SCARA5: variants seen among roughly 807,000 people sequenced by gnomAD.
SCARA5 encodes the protein scavenger receptor class A, member 5 (putative).
SCARA5 carries 45 observed loss-of-function variants against 46.3 expected under a neutral mutation model. The observed-to-expected ratio is 0.97, with a 90% CI of 0.76 to 1.24. The LOEUF (loss-of-function observed/expected upper bound fraction) is 1.24, where lower values mean the gene tolerates loss of function less well. SCARA5 is among the 50% of genes most tolerant of loss of function. The probability of loss-of-function intolerance (pLI) is 0.00; values close to 1 mark genes in which losing one functional copy is unlikely to be tolerated. For synonymous variants in SCARA5, 333 were observed against 306.5 expected, an observed-to-expected ratio of 1.09 and a Z score of -0.90; for missense variants, 680 against 689.0, an observed-to-expected ratio of 0.99 and a Z score of 0.15.
intron 2 of SCARA5, among the ~76,000 whole-genome samples, chr8:27,972,422 T>A (rs527653533): frequency 7.2e-5 from 11 of 152,318 alleles, no homozygotes; most frequent in Admixed American, 1.3e-4. Context: ...TGAACACCAC[T>A]ATGCTGTATG....
intron 3 of SCARA5, among the ~76,000 whole-genome samples, chr8:27,946,068 A>G (rs1208986750): frequency 6.6e-6 from 1 of 152,254 alleles, no homozygotes; most frequent in Admixed American, 6.5e-5. Context: ...AAGTAACCCA[A>G]AAGAAGGGAA....
intron 8 of SCARA5, among the ~76,000 whole-genome samples, chr8:27,878,886 C>T (rs941875401): frequency 5.9e-5 from 9 of 152,078 alleles, no homozygotes; most frequent in Admixed American, 1.3e-4. Context: ...CCCAGGAGTT[C>T]GAGACCAGTC....
rs373087771 is a variant in SCARA5 at position 27,972,634 on chromosome 8, T to C, written c.113-6092A>G. Among the ~76,000 whole-genome samples the C allele has an allele frequency of 4.6e-5, 7 of 152,302 alleles. No homozygotes were observed. The East Asian group carries it at 1.2e-3, about 25-fold the overall frequency. ...ATCCCAGCACTTCAGGAGGCTGAGATGGGAGGATTGCTTGAGCTCAGGAAT... is the reference window on the plus strand; with the variant it reads ...ATCCCAGCACTTCAGGAGGCTGAGACGGGAGGATTGCTTGAGCTCAGGAAT... On this transcript the variant is annotated intron_variant, in intron 2 of 8. Coordinates refer to ENST00000354914, the MANE Select transcript of SCARA5 (RefSeq NM_173833.6).
At chr8:27,943,413 G>T (rs185334327) in intron 3 of SCARA5, among the ~76,000 whole-genome samples, 2 of 152,248 alleles carry the variant, frequency 1.3e-5, no homozygotes, top group African/African-American at 4.8e-5. Flanking sequence ...CCTGGGTGAC[G>T]GGAGTGAGAC....
In SCARA5 at chr8:27,922,080, G is replaced by C; in HGVS notation, c.407C>G (p.Ser136Ter). 6.3e-7 allele frequency: 1 copy of C among 1,599,226 alleles called. No individual in the cohort carries two copies. The highest frequency in any genetic ancestry group is 8.5e-7 in the Non-Finnish European group (1 of 1,174,758). Residue 136 changes from serine to a stop codon, truncating the protein, a stop_gained, in exon 4 of 9, where the codon TCA becomes TGA. Coordinates refer to ENST00000354914, the MANE Select transcript of SCARA5 (RefSeq NM_173833.6). LOFTEE classifies it high-confidence loss of function. ...GCCCGCCAGCGCCAGCAACGAGTCT[G>C]ACTGGTTCTGCAGCGCGTCCTGCAC... ...WKVQDALQNQ[S>*]DSLLALAGAV...
At chr8:27,947,018 T>A (rs1808048599) in intron 3 of SCARA5, among the ~76,000 whole-genome samples, 1 of 151,660 alleles carries the variant, frequency 6.6e-6, no homozygotes, top group African/African-American at 2.4e-5. Flanking sequence ...GTTGGGCTTT[T>A]TTTTTTTTTT....
intron 4 of SCARA5, among the ~76,000 whole-genome samples, chr8:27,913,228 G>A (rs1168752867): frequency 6.6e-6 from 1 of 152,186 alleles, no homozygotes; most frequent in Non-Finnish European, 1.5e-5. Context: ...TAACTGGGAA[G>A]AAGGTGGGGT....
At chr8:27,884,514 C>A (rs1307910906) in intron 7 of SCARA5, among the ~76,000 whole-genome samples, 1 of 152,228 alleles carries the variant, frequency 6.6e-6, no homozygotes, top group Non-Finnish European at 1.5e-5. Flanking sequence ...GCAACAGAAG[C>A]CACAGTGTGG....
intron 6 of SCARA5, among the ~76,000 whole-genome samples, chr8:27,906,005 CCA>C: frequency 6.6e-6 from 1 of 152,278 alleles, no homozygotes; most frequent in Middle Eastern, 3.4e-3. Context: ...GCCACCTTGC[CCA>C]GTCTCTAATT....
At chr8:27,928,531 C>A (rs530258652) in intron 3 of SCARA5, among the ~76,000 whole-genome samples, 11 of 152,340 alleles carry the variant, frequency 7.2e-5, no homozygotes, top group Admixed American at 3.9e-4. Context: ...GGACAGTATA[C>A]CGTGGTGACT....
chr8:27,871,888 G>A lies in SCARA5; in HGVS notation c.*46C>T. On this transcript the variant is annotated 3_prime_UTR_variant, in exon 9 of 9. Coordinates refer to ENST00000354914, the MANE Select transcript of SCARA5 (RefSeq NM_173833.6). The stretch of plus-strand genomic sequence containing the variant: ...AGCTGTGCCCCACCCCAGGGATGCA[G>A]GAAGGGTGCTCTGTGCAGGACCCCG... The A allele has an allele frequency of 6.2e-7, 1 of 1,612,102 alleles. No homozygotes were observed. Among genetic ancestry groups the A allele is most frequent in the East Asian group, 2.2e-5 (1 of 44,876 alleles).
chr8:27,880,153 T>C (rs1806788745), intron 7 of SCARA5, among the ~76,000 whole-genome samples: 1 of 35,854 alleles, frequency 2.8e-5, no homozygotes, highest in Non-Finnish European at 5.9e-5. Flanking sequence ...TGCAGAAGAA[T>C]GAAACTGGAG....
chr8:27,932,910 C>T (rs4732794), intron 3 of SCARA5, among the ~76,000 whole-genome samples: 88,614 of 152,118 alleles, frequency 0.58, 26,773 homozygotes, highest in South Asian at 0.74. Context: ...GGATTACAGG[C>T]GTCAGCCACG....
intron 3 of SCARA5, among the ~76,000 whole-genome samples, chr8:27,930,649 C>T (rs1280785296): frequency 6.6e-6 from 1 of 152,094 alleles, no homozygotes; most frequent in Non-Finnish European, 1.5e-5. Context: ...TGATCCGCCC[C>T]CCTCGGCCAC....
At chr8:27,947,698 G>A (rs13266176) in intron 3 of SCARA5, among the ~76,000 whole-genome samples, 93,505 of 145,880 alleles carry the variant, frequency 0.64, 30,231 homozygotes, top group Middle Eastern at 0.81. Flanking sequence ...TGGCGAAACC[G>A]TGTCTCTACT....
At chr8:27,972,361 CAA>C (rs905688682) in intron 2 of SCARA5, among the ~76,000 whole-genome samples, 1 of 143,114 alleles carries the variant, frequency 7.0e-6, no homozygotes, top group African/African-American at 2.6e-5. Context: ...CAAAAAAAAA[CAA>C]AAAAAGTAGA....
At chr8:27,989,782 G>A (rs1482293468) in intron 1 of SCARA5, among the ~76,000 whole-genome samples, 1 of 152,174 alleles carries the variant, frequency 6.6e-6, no homozygotes, top group Non-Finnish European at 1.5e-5. Flanking sequence ...CCCAATTCCG[G>A]CCCTCCACCC....
intron 7 of SCARA5, among the ~76,000 whole-genome samples, chr8:27,889,985 A>G (rs562190710): frequency 1.3e-5 from 2 of 152,156 alleles, no homozygotes; most frequent in Non-Finnish European, 2.9e-5. Flanking sequence ...TATTTTTTCA[A>G]TTGCATATTT....
chr8:27,875,559 G>A (rs1393300959), intron 8 of SCARA5, among the ~76,000 whole-genome samples: 2 of 152,162 alleles, frequency 1.3e-5, no homozygotes, highest in Non-Finnish European at 2.9e-5. Flanking sequence ...CCTTCCAGCA[G>A]GAGGAGCAGC....
Sources: gnomAD v4.1 joint callset for allele counts (sites outside exome capture counted in the v4.1 genomes callset) on GRCh38, gnomAD v4.1.1 for gene constraint, MANE v1.5 for transcripts, NCBI Gene and HGNC (gene_info 2026-07-23, HGNC 2026-07-21) for gene names.